The following MAP1B variants were observed in gnomAD, a reference collection of about 807,000 sequenced individuals.
MAP1B encodes microtubule associated protein 1B.
Under a neutral mutation model 176.1 loss-of-function variants are expected in MAP1B, and 12 were observed. The observed-to-expected ratio is 0.07, with a 90% confidence interval of 0.04 to 0.11. The LOEUF (loss-of-function observed/expected upper bound fraction) is 0.11. Ranked by LOEUF, MAP1B falls within the 10% of genes least tolerant of loss-of-function variation. The pLI is 1.00. For synonymous variants in MAP1B, 1,044 were observed against 1,135.0 expected (o/e 0.92, Z 1.61); for missense variants, 2,523 against 2,990.5 (o/e 0.84, Z 3.65).
At chr5:72,181,684 T>C (rs891586919) in intron 2 of MAP1B, among the ~76,000 whole-genome samples, 1 of 150,560 alleles carries the variant, frequency 6.6e-6, no homozygotes, top group Non-Finnish European at 1.5e-5. Flanking sequence ...CAGCCTCCCA[T>C]GTAGCTGGGA....
At chr5:72,174,938 C>T (rs1311783679) in intron 2 of MAP1B, among the ~76,000 whole-genome samples, 7 of 103,560 alleles carry the variant, frequency 6.8e-5, no homozygotes, top group Non-Finnish European at 1.4e-4. Context: ...TTTCCCCCTT[C>T]CCCCTTCCCC....
intron 1 of MAP1B, among the ~76,000 whole-genome samples, chr5:72,111,044 T>C (rs1490399816): frequency 6.6e-6 from 1 of 152,250 alleles, no homozygotes; most frequent in Non-Finnish European, 1.5e-5. Flanking sequence ...TATTTAGTTA[T>C]GCAGGACTTT....
At position 72,198,974 on chromosome 5, in the gene MAP1B, A is replaced by G; in HGVS notation, c.5619A>G (p.Gln1873=). 1 of 1,614,208 alleles carries G rather than the reference A, an allele frequency of 6.2e-7. No individual in the cohort carries two copies. Residue 1873 remains glutamine (Q), a synonymous_variant, in exon 5 of 7, where the codon CAA becomes CAG. Coordinates refer to ENST00000296755, the MANE Select transcript of MAP1B (RefSeq NM_005909.5). ...KTPGDFSYAY[Q]KPEETTRSPD... ...CTGGTGACTTTAGCTATGCCTATCA[A>G]AAGCCTGAGGAAACAACCAGGTCCC...
At chr5:72,127,555 A>C (rs745883686) in intron 2 of MAP1B, among the ~76,000 whole-genome samples, 4 of 152,312 alleles carry the variant, frequency 2.6e-5, no homozygotes, top group Non-Finnish European at 5.9e-5. Flanking sequence ...GTGTATACCT[A>C]TGTAACAAAC....
chr5:72,180,805 C>T (rs1455474684), intron 2 of MAP1B, among the ~76,000 whole-genome samples: 1 of 152,292 alleles, frequency 6.6e-6, no homozygotes, highest in Middle Eastern at 3.4e-3. Flanking sequence ...TTTCTGCCTT[C>T]CTGCTTTTGT....
chr5:72,178,722 A>AGG lies in MAP1B; in HGVS notation c.287-5018_287-5017dup, dbSNP rs766593145. 6.7e-3 allele frequency among the ~76,000 whole-genome samples: 755 copies of AGG among 113,298 alleles called. 9 individuals carry two copies. Among genetic ancestry groups the AGG allele is most frequent in the East Asian group, 0.029 (107 of 3,724 alleles). 74.3% of individuals were successfully genotyped at this position (113,298 alleles called of 152,430 possible). A position where few individuals can be genotyped will look rare whatever the true frequency, so the allele number is the denominator to read the frequency against. ...TTCCAAAACCAGGGTGAAGCCTCTG[A>AGG]GGGGTGTGTGTGTGTGTGTGTGTGT... is the stretch of plus-strand genomic sequence containing the variant. On this transcript the variant is annotated intron_variant, in intron 2 of 6. Coordinates refer to ENST00000296755, the MANE Select transcript of MAP1B (RefSeq NM_005909.5).
At chr5:72,179,147 G>C (rs185644359) in intron 2 of MAP1B, among the ~76,000 whole-genome samples, 1 of 152,016 alleles carries the variant, frequency 6.6e-6, no homozygotes, top group Non-Finnish European at 1.5e-5. Context: ...CACTGCCCCC[G>C]CCCCGCCACC....
chr5:72,179,806 C>T (rs1746729551), intron 2 of MAP1B: 2 of 985,490 alleles, frequency 2.0e-6, no homozygotes, highest in Non-Finnish European at 2.4e-6. Context: ...TGGTGCACGT[C>T]TGTGCCATTC....
rs772562136 is a variant in MAP1B at position 72,107,567 on chromosome 5, G to A, written c.36G>A (p.Glu12=). ...TGGTGGTGGAAGCCACCGAGCCGGA[G>A]CCGTCCGGCAGCATCGCCAACCCGG... ...ATVVVEATEP[E]PSGSIANPAA... is the part of the protein sequence containing the mutation. The change falls in exon 1 of 7, where the codon GAG becomes GAA. Residue 12 remains glutamate (E), a synonymous_variant. Transcript: ENST00000296755. The A allele has an allele frequency of 3.2e-6, 5 of 1,585,828 alleles. No homozygotes were observed. In the South Asian group the frequency reaches 4.5e-5, roughly 14 times the overall value.
At chr5:72,146,446 A>T (rs1579994442) in intron 2 of MAP1B, among the ~76,000 whole-genome samples, 1 of 152,158 alleles carries the variant, frequency 6.6e-6, no homozygotes, top group African/African-American at 2.4e-5. Context: ...GTTGATCTTC[A>T]TGAGGGGAGT....
intron 2 of MAP1B, among the ~76,000 whole-genome samples, chr5:72,145,510 G>T (rs1314873105): frequency 6.6e-6 from 1 of 152,216 alleles, no homozygotes; most frequent in Non-Finnish European, 1.5e-5. Context: ...TGGGGTGCCA[G>T]TGCTAATGCT....
chr5:72,158,518 C>G (rs947447128), intron 2 of MAP1B, among the ~76,000 whole-genome samples: 2 of 152,066 alleles, frequency 1.3e-5, no homozygotes, highest in Non-Finnish European at 2.9e-5. Context: ...GGGAGCTGCC[C>G]TATGGTTGAA....
At chr5:72,110,549 A>G (rs564382664) in intron 1 of MAP1B, among the ~76,000 whole-genome samples, 18 of 152,308 alleles carry the variant, frequency 1.2e-4, no homozygotes, top group Admixed American at 1.1e-3. Flanking sequence ...CTGCTGCTTC[A>G]GCCGCCAGGT....
rs1747270348 is a variant in MAP1B, at chr5:72,199,406, C to T, written c.6051C>T (p.Phe2017=). Residue 2017 remains phenylalanine, a synonymous_variant, in exon 5 of 7, where the codon TTC becomes TTT. Coordinates refer to ENST00000296755, the MANE Select transcript of MAP1B (RefSeq NM_005909.5). The surrounding 1 kb of genome is among the most constrained non-coding windows in gnomAD (Gnocchi z 4.2). ...SYETTEKITS[F]PESEGYSYET... is the part of the protein sequence containing the mutation. ...AAACCACTGAGAAAATTACCAGTTTCCCTGAGTCTGAAGGTTATTCCTATG... is the reference window on the plus strand; with the variant it reads ...AAACCACTGAGAAAATTACCAGTTTTCCTGAGTCTGAAGGTTATTCCTATG... 1 of 1,614,152 alleles carries T rather than the reference C, an allele frequency of 6.2e-7. No individual in the cohort carries two copies. The highest frequency in any genetic ancestry group is 8.5e-7 in the Non-Finnish European group (1 of 1,180,034).
chr5:72,107,992 G>A (rs1745148048), intron 1 of MAP1B, among the ~76,000 whole-genome samples: 3 of 152,256 alleles, frequency 2.0e-5, no homozygotes, highest in South Asian at 2.1e-4. Context: ...CTCCCGCTAA[G>A]TGAAATGCAG....
chr5:72,127,797 G>A (rs904430313), intron 2 of MAP1B, among the ~76,000 whole-genome samples: 1 of 151,986 alleles, frequency 6.6e-6, no homozygotes, highest in Non-Finnish European at 1.5e-5. Flanking sequence ...TCCCTCGTGG[G>A]ATTATTATTT....
intron 2 of MAP1B, chr5:72,116,398 CT>C (rs1309805190): frequency 2.5e-6 from 1 of 404,128 alleles, no homozygotes; most frequent in Non-Finnish European, 4.7e-6. Context: ...TTACAAACTT[CT>C]GTTAAAATAG....
chr5:72,131,295 A>G (rs1745728321), intron 2 of MAP1B, among the ~76,000 whole-genome samples: 1 of 152,152 alleles, frequency 6.6e-6, no homozygotes, highest in South Asian at 2.1e-4. Flanking sequence ...GACATTGGAC[A>G]CTGTATTTTT....
intron 4 of MAP1B, chr5:72,193,299 A>C (rs1747067474): frequency 2.3e-6 from 1 of 427,046 alleles, no homozygotes; most frequent in Admixed American, 2.7e-5. Context: ...AGGCCACAAC[A>C]AGTGCCCTGT....
Sources: gnomAD v4.1 joint callset for allele counts (sites outside exome capture counted in the v4.1 genomes callset) on GRCh38, gnomAD v4.1.1 for gene constraint, Gnocchi (gnomAD v3.1) non-coding constraint, MANE v1.5 for transcripts, NCBI Gene and HGNC (gene_info 2026-07-23, HGNC 2026-07-21) for gene names.